DST: variants seen among roughly 807,000 people sequenced by gnomAD.
DST encodes bullous pemphigoid antigen.
A neutral mutation model predicts 875.2 loss-of-function variants in DST; 253 were observed. The observed-to-expected ratio is 0.29, with a 90% confidence interval of 0.26 to 0.32. DST has a LOEUF of 0.32. Ranked by LOEUF, DST falls within the 10% of genes least tolerant of loss-of-function variation. DST has a pLI of 1.00. For synonymous variants in DST, 3,124 were observed against 3,197.1 expected (o/e 0.98, Z 0.77); for missense variants, 8,287 against 9,111.6 (o/e 0.91, Z 3.68).
chr6:56,502,672 A>G (rs567508767), intron 78 of DST, among the ~76,000 whole-genome samples: 2 of 152,092 alleles, frequency 1.3e-5, no homozygotes, highest in African/African-American at 4.8e-5. Flanking sequence ...AATTATCCAC[A>G]CCCATAATTG....
In DST at chr6:56,603,874, G is replaced by A; in HGVS notation, c.10754C>T (p.Ser3585Phe). 1 of 1,611,520 alleles carries A rather than the reference G, an allele frequency of 6.2e-7. No individual in the cohort carries two copies. Among genetic ancestry groups the A allele is most frequent in the Non-Finnish European group, 8.5e-7 (1 of 1,178,738 alleles). ...FPSHLECTSG[S>F]KEMASGDSST... ...GCTATCTCCAGAAGCCATCTCTTTA[G>A]ACCCTGAAGTACATTCCAAATGGCT... is the stretch of plus-strand genomic sequence containing the variant. Residue 3585 changes from serine to phenylalanine, a missense_variant, in exon 40 of 104, where the codon TCT (serine) becomes TTT (phenylalanine). Transcript: ENST00000680361.
intron 79 of DST, 52 bp downstream of exon 79, chr6:56,501,468 A>C (rs2096122469): frequency 2.3e-6 from 3 of 1,308,782 alleles, no homozygotes; most frequent in Non-Finnish European, 2.1e-6. Context: ...ATTTTACATT[A>C]ATATCTGAAA....
chr6:56,701,933 T>C lies in DST; in HGVS notation c.909A>G (p.Arg303=), dbSNP rs772115596. 9.3e-6 allele frequency: 15 copies of C among 1,612,364 alleles called. 1 individual carries two copies. The South Asian group carries it at 1.4e-4, about 15-fold the overall frequency. ...CAAGTGCAATTTGTACATTCTGTAG[T>C]CTGTGAAAACGCATCCGACCTTTTT... is the stretch of plus-strand genomic sequence containing the variant. The part of the protein sequence containing the change: ...PREKGRMRFH[R]LQNVQIALDY... The change falls in exon 8 of 104, where the codon AGA becomes AGG. Residue 303 remains arginine, a synonymous_variant. Transcript: ENST00000680361.
intron 4 of DST, among the ~76,000 whole-genome samples, chr6:56,743,820 A>C (rs2099557020): frequency 6.6e-6 from 1 of 152,206 alleles, no homozygotes; most frequent in Admixed American, 6.5e-5. Context: ...CATACTTAGG[A>C]AATAAAATTC....
In DST at chr6:56,606,934, C is replaced by A; in HGVS notation, c.7694G>T (p.Gly2565Val). 1 of 1,613,396 alleles carries A rather than the reference C, an allele frequency of 6.2e-7. No individual in the cohort carries two copies. The highest frequency in any genetic ancestry group is 8.5e-7 in the Non-Finnish European group (1 of 1,179,572). ...EEYSCAVTPG[G>V]DTDNAIVSLT... ...AGACACAATGGCATTATCAGTATCA[C>A]CCCCTGGAGTCACAGCACAGGAATA... The change falls in exon 40 of 104, where the codon GGT (glycine) becomes GTT (valine). Residue 2565 changes from glycine (G) to valine (V), a missense_variant. By Grantham distance (109) the Gly-to-Val change is moderately radical. Coordinates refer to ENST00000680361, the MANE Select transcript of DST (RefSeq NM_001374736.1).
At chr6:56,654,034 A>G (rs1205545151) in intron 10 of DST, among the ~76,000 whole-genome samples, 1 of 152,256 alleles carries the variant, frequency 6.6e-6, no homozygotes, top group Non-Finnish European at 1.5e-5. Context: ...ACCAAAGAGC[A>G]TTAGACTATA....
At chr6:56,929,769 G>A (rs1355950968) in intron 2 of DST, among the ~76,000 whole-genome samples, 1 of 152,088 alleles carries the variant, frequency 6.6e-6, no homozygotes, top group Non-Finnish European at 1.5e-5. Flanking sequence ...TATATAAAAT[G>A]TTAATAAACC....
intron 9 of DST, among the ~76,000 whole-genome samples, chr6:56,676,626 G>GTT (rs2099131623): frequency 6.6e-6 from 1 of 151,474 alleles, no homozygotes; most frequent in Non-Finnish European, 1.5e-5. Context: ...ATCAATCTAG[G>GTT]TGTCCATCAA....
intron 8 of DST, among the ~76,000 whole-genome samples, chr6:56,700,757 G>C (rs1402266475): frequency 6.6e-6 from 1 of 151,870 alleles, no homozygotes; most frequent in Admixed American, 6.6e-5. Context: ...TTTACTTCTT[G>C]GACAAAATGC....
intron 9 of DST, among the ~76,000 whole-genome samples, chr6:56,680,027 A>G (rs1440162915): frequency 6.6e-6 from 1 of 152,128 alleles, no homozygotes; most frequent in Admixed American, 6.5e-5. Flanking sequence ...TGGGTCTCTC[A>G]GTATTTAAAA....
At position 56,603,573 on chromosome 6, in the gene DST, T is replaced by A; in HGVS notation, c.10932A>T (p.Arg3644Ser). 2 of 1,607,766 alleles carry A rather than the reference T, an allele frequency of 1.2e-6. No individual in the cohort carries two copies. Among genetic ancestry groups the A allele is most frequent in the African/African-American group, 1.3e-5 (1 of 74,662 alleles). The change falls in exon 41 of 104, where the codon AGA becomes AGT. Residue 3644 changes from arginine to serine, a missense_variant. Physicochemically the swap from Arg to Ser is moderately radical, Grantham distance 110. Around this residue, in one of 10 missense-constraint regions of DST, gnomAD observed 3,138 missense variants for 3,116.6 expected, o/e 1.01. Coordinates refer to ENST00000680361, the MANE Select transcript of DST (RefSeq NM_001374736.1). ...AGTAGACAATTCTTACCTCCAACTGTCTAAGTTGATTCTTCAAAGCTTCCA... is the reference window on the plus strand; with the variant it reads ...AGTAGACAATTCTTACCTCCAACTGACTAAGTTGATTCTTCAAAGCTTCCA... Reference protein sequence around the residue: ...NNLEALKNQLRQLETFELGLA... With the variant: ...NNLEALKNQLSQLETFELGLA...
chr6:56,620,186 T>C lies in DST; in HGVS notation c.4929+4344A>G, dbSNP rs776834376. ...TATCAGCTTCAAGAGTTCTTCCTCA[T>C]TGTCTCTCTTTCTTCTTAATTCTTC... On this transcript the variant is annotated intron_variant, in intron 36 of 103. Coordinates refer to ENST00000680361, the MANE Select transcript of DST (RefSeq NM_001374736.1). 2.5e-6 allele frequency: 4 copies of C among 1,613,714 alleles called. No individual in the cohort carries two copies. The highest frequency in any genetic ancestry group is 1.7e-5 in the Admixed American group (1 of 60,028).
intron 36 of DST, chr6:56,615,366 T>C: frequency 5.3e-6 from 8 of 1,498,790 alleles, no homozygotes; most frequent in Non-Finnish European, 7.1e-6. Context: ...AAACTTACTC[T>C]ATTTTGAGCA....
chr6:56,716,957 G>A (rs1192850577), intron 5 of DST, among the ~76,000 whole-genome samples: 3 of 152,068 alleles, frequency 2.0e-5, no homozygotes, highest in Admixed American at 6.6e-5. Flanking sequence ...CAAGGCGGGC[G>A]GATCACGAGG....
intron 4 of DST, among the ~76,000 whole-genome samples, chr6:56,812,947 C>T (rs982373909): frequency 1.1e-4 from 16 of 151,586 alleles, no homozygotes; most frequent in South Asian, 2.1e-4. Context: ...ATGTTTATTG[C>T]GGCACTATTC....
chr6:56,483,619 T>C (rs2095473504), intron 88 of DST: 1 of 145,260 alleles, frequency 6.9e-6, no homozygotes, highest in South Asian at 2.3e-4. Flanking sequence ...GGCCACAGAC[T>C]GATCTAAGAA....
chr6:56,655,264 C>A (rs1171097016), intron 10 of DST, among the ~76,000 whole-genome samples: 1 of 147,992 alleles, frequency 6.8e-6, no homozygotes, highest in Non-Finnish European at 1.5e-5. Context: ...GAGCATGAAA[C>A]AACATCAAAG....
At chr6:56,911,364 G>A (rs1798763594) in intron 2 of DST, among the ~76,000 whole-genome samples, 1 of 152,204 alleles carries the variant, frequency 6.6e-6, no homozygotes, top group South Asian at 2.1e-4. Context: ...TTCTGATGCT[G>A]CTGGTCTGCA....
At chr6:56,634,420 C>G in intron 26 of DST, 42 bp downstream of exon 26, 8 of 1,611,282 alleles carry the variant, frequency 5.0e-6, no homozygotes, top group Non-Finnish European at 6.8e-6. Context: ...CTTCAGAGGG[C>G]CCCCAAAACT....
Sources: allele counts gnomAD v4.1 joint callset (sites outside exome capture counted in the v4.1 genomes callset), GRCh38; gene constraint gnomAD v4.1.1; regional missense constraint gnomAD v4.1.1; transcripts MANE v1.5; gene names NCBI Gene and HGNC (gene_info 2026-07-23, HGNC 2026-07-21).